IL17RD: variants seen among roughly 807,000 people sequenced by gnomAD.
IL17RD encodes interleukin 17 receptor D, also known as interleukin-17 receptor D.
A neutral mutation model predicts 80.5 loss-of-function variants in IL17RD; 52 were observed. The ratio of observed to expected loss-of-function variants is 0.65; its 90% confidence interval spans 0.52 to 0.81. The LOEUF (loss-of-function observed/expected upper bound fraction) is 0.81. Among genes scored for constraint, IL17RD ranks in the 40% least tolerant of loss-of-function variants. The pLI is 0.00. For missense variants in IL17RD, 1,024 were observed against 955.1 expected, an observed-to-expected ratio of 1.07 and a Z score of -0.95; for synonymous variants, 416 against 391.8, an observed-to-expected ratio of 1.06 and a Z score of -0.73.
rs193112731 is a variant in IL17RD at position 57,097,193 on chromosome 3, A to G, written c.2107+403T>C. 1.9e-3 allele frequency among the ~76,000 whole-genome samples: 286 copies of G among 151,870 alleles called. 2 individuals carry two copies. Among genetic ancestry groups the G allele is most frequent in the African/African-American group, 6.3e-3 (263 of 41,430 alleles). ...ACTGTACCCATGAATCCCAGACTCA[A>G]TGAATGTAGCTTTAAAGACAATGGG... On this transcript the variant is annotated intron_variant, in intron 12 of 12. Transcript: ENST00000296318.
At chr3:57,110,817 C>T (rs62250352) in intron 3 of IL17RD, among the ~76,000 whole-genome samples, 1 of 152,222 alleles carries the variant, frequency 6.6e-6, no homozygotes, top group African/African-American at 2.4e-5. Context: ...GGTTCTGAGG[C>T]TTGAGATTAA....
intron 1 of IL17RD, among the ~76,000 whole-genome samples, chr3:57,143,747 G>C (rs1707874362): frequency 6.6e-6 from 1 of 152,200 alleles, no homozygotes; most frequent in African/African-American, 2.4e-5. Flanking sequence ...CAGGCCCTAG[G>C]AAAATGAGTG....
chr3:57,132,929 G>A (rs114791898), intron 1 of IL17RD, among the ~76,000 whole-genome samples: 3,883 of 152,052 alleles, frequency 0.026, 73 homozygotes, highest in Admixed American at 0.043. Context: ...TGGTATTTGC[G>A]GTCAACACAC....
At position 57,094,323 on chromosome 3, in the gene IL17RD, G is replaced by C. The variant is rs553751610; in HGVS notation, c.*2070C>G. On this transcript the variant is annotated 3_prime_UTR_variant, in exon 13 of 13. Transcript: ENST00000296318. ...GGTATATTAAGAGTTTGATTTTATT[G>C]ATCAGAAACATTAGTATTTCAACAT... The C allele has an allele frequency of 6.6e-6, 1 of 152,106 alleles. No homozygotes were observed. The highest frequency in any genetic ancestry group is 1.5e-5 in the Non-Finnish European group (1 of 68,022). The allele number at this position is 152,106 out of a possible 1,614,324, so 9.4% of individuals were successfully genotyped here.
intron 2 of IL17RD, among the ~76,000 whole-genome samples, chr3:57,118,523 G>A (rs1707265984): frequency 6.6e-6 from 1 of 152,170 alleles, no homozygotes; most frequent in Non-Finnish European, 1.5e-5. Flanking sequence ...TATGAGTCAA[G>A]TTCCTTCTTG....
Position 57,136,373 on chromosome 3 carries a change from C to T in IL17RD, c.127-16060G>A, listed in dbSNP as rs371953677. ...CCTGGCCAGGGATGGTGGCTCCCAC[C>T]TGTAATCCCAGCATTTTGGGAGGCC... On this transcript the variant is annotated intron_variant, in intron 1 of 12. Coordinates refer to ENST00000296318, the MANE Select transcript of IL17RD (RefSeq NM_017563.5). 1.7e-3 allele frequency among the ~76,000 whole-genome samples: 258 copies of T among 152,340 alleles called. 1 individual carries two copies. The highest frequency in any genetic ancestry group is 6.1e-3 in the African/African-American group (253 of 41,580).
intron 7 of IL17RD, among the ~76,000 whole-genome samples, chr3:57,105,552 A>AAATATAT: frequency 6.3e-5 from 4 of 63,590 alleles, no homozygotes; most frequent in African/African-American, 3.7e-4. Flanking sequence ...AAAAAAAAAA[A>AAATATAT]ATATATATAT....
rs1491576575 is a variant in IL17RD, at chr3:57,127,377, TAA to T, written c.127-7066_127-7065del. On this transcript the variant is annotated intron_variant, in intron 1 of 12. Transcript: ENST00000296318. ...ATATATAAATATAAATATATATATATAAATAAATAAATAAATAAATATATATA... is the reference window on the plus strand; with the variant it reads ...ATATATAAATATAAATATATATATATATAAATAAATAAATAAATATATATA... 1.0e-3 allele frequency among the ~76,000 whole-genome samples: 95 copies of T among 94,302 alleles called. 9 individuals carry two copies. Among genetic ancestry groups the T allele is most frequent in the South Asian group, 4.9e-3 (16 of 3,260 alleles). The allele number at this position is 94,302 out of a possible 152,430, so 61.9% of individuals were successfully genotyped here.
intron 1 of IL17RD, among the ~76,000 whole-genome samples, chr3:57,139,322 G>A (rs370395095): frequency 6.6e-4 from 100 of 152,090 alleles, no homozygotes; most frequent in African/African-American, 2.2e-3. Context: ...AACAGGCTAC[G>A]GGTAAAAGAA....
upstream of IL17RD, among the ~76,000 whole-genome samples, chr3:57,166,315 C>T (rs185161126): frequency 4.6e-5 from 7 of 152,298 alleles, no homozygotes; most frequent in Admixed American, 4.6e-4. Flanking sequence ...ATACATTTCT[C>T]CAGCCTGGAT....
intron 1 of IL17RD, among the ~76,000 whole-genome samples, chr3:57,130,259 C>A (rs1707577353): frequency 6.6e-6 from 1 of 152,178 alleles, no homozygotes; most frequent in Non-Finnish European, 1.5e-5. Context: ...CCCCCAGGTC[C>A]AAAGCCATGT....
chr3:57,138,509 G>C (rs1707770154), intron 1 of IL17RD, among the ~76,000 whole-genome samples: 1 of 152,168 alleles, frequency 6.6e-6, no homozygotes, highest in African/African-American at 2.4e-5. Context: ...GGACAGGTCT[G>C]AGAGGCATTT....
rs1707646433 is a variant in IL17RD at position 57,133,094 on chromosome 3, T to C, written c.127-12781A>G. ...CTCATTCAGCTTCAAAATTAAGATG[T>C]TGGTATAAAGCAAAGGACACCATCG... On this transcript the variant is annotated intron_variant, in intron 1 of 12. Transcript: ENST00000296318. Among the ~76,000 whole-genome samples, 6 of 152,312 alleles carry C rather than the reference T, an allele frequency of 3.9e-5. No homozygotes were observed. The South Asian group carries it at 1.2e-3, about 32-fold the overall frequency.
intron 1 of IL17RD, among the ~76,000 whole-genome samples, chr3:57,129,019 T>A (rs1707552313): frequency 6.6e-6 from 1 of 152,168 alleles, no homozygotes; most frequent in African/African-American, 2.4e-5. Flanking sequence ...AAAACATGCC[T>A]ATGGACAGAG....
At chr3:57,156,408 G>T (rs2107542582) in intron 1 of IL17RD, among the ~76,000 whole-genome samples, 1 of 152,078 alleles carries the variant, frequency 6.6e-6, no homozygotes, top group South Asian at 2.1e-4. Context: ...TACAAAAAAT[G>T]TAAAAAATTA....
At chr3:57,141,584 T>G (rs1035866569) in intron 1 of IL17RD, among the ~76,000 whole-genome samples, 1 of 152,190 alleles carries the variant, frequency 6.6e-6, no homozygotes, top group Non-Finnish European at 1.5e-5. Context: ...CACTTCAGAT[T>G]AGAAATTTTT....
intron 7 of IL17RD, among the ~76,000 whole-genome samples, chr3:57,105,255 A>G (rs1442053162): frequency 1.3e-5 from 2 of 151,970 alleles, no homozygotes; most frequent in African/African-American, 4.8e-5. Flanking sequence ...ATAAAAGGAC[A>G]GGCCAGGTGT....
intron 2 of IL17RD, among the ~76,000 whole-genome samples, chr3:57,119,003 C>T (rs1707274777): frequency 6.6e-6 from 1 of 151,664 alleles, no homozygotes; most frequent in African/African-American, 2.4e-5. Flanking sequence ...GCCAGGAGTT[C>T]AAGACCAGCC....
intron 1 of IL17RD, among the ~76,000 whole-genome samples, chr3:57,127,431 A>G (rs1707520025): frequency 7.4e-6 from 1 of 135,982 alleles, no homozygotes; most frequent in Non-Finnish European, 1.5e-5. Context: ...TTGAGATAAG[A>G]GTCTTGCTTT....
Sources: allele counts gnomAD v4.1 joint callset (sites outside exome capture counted in the v4.1 genomes callset), GRCh38; gene constraint gnomAD v4.1.1; transcripts MANE v1.5; gene names NCBI Gene and HGNC (gene_info 2026-07-23, HGNC 2026-07-21).